CPA4: variants seen among roughly 807,000 people sequenced by gnomAD.
CPA4 encodes the protein carboxypeptidase A3.
A neutral mutation model predicts 54.7 loss-of-function variants in CPA4; 49 were observed. That is an observed-to-expected ratio of 0.90 (90% confidence interval 0.71 to 1.14). The LOEUF (loss-of-function observed/expected upper bound fraction) is 1.14, where lower values mean the gene tolerates loss of function less well. Among genes scored for constraint, CPA4 ranks in the 50% most tolerant of loss-of-function variants. The pLI is 0.00. For missense variants in CPA4, 487 were observed against 525.1 expected, an observed-to-expected ratio of 0.93 and a Z score of 0.71; for synonymous variants, 215 against 206.8, an observed-to-expected ratio of 1.04 and a Z score of -0.34.
At chr7:130,314,669 T>A (rs893834400) in intron 10 of CPA4, among the ~76,000 whole-genome samples, 4 of 152,294 alleles carry the variant, frequency 2.6e-5, no homozygotes, top group Admixed American at 1.3e-4. Context: ...AGGGAATTTA[T>A]ACTGAAAGAA....
In CPA4 at chr7:130,293,214, G is replaced by C. The variant is rs1451325725; in HGVS notation, c.34G>C (p.Gly12Arg). Residue 12 changes from glycine to arginine, a missense_variant, in exon 1 of 11, where the codon GGG becomes CGG. Coordinates refer to ENST00000222482, the MANE Select transcript of CPA4 (RefSeq NM_016352.4). ...GATACTGTTCATTGGGGCCCTTATT[G>C]GGTCCAGCATCTGTGGCCAAGAAAA... is the stretch of plus-strand genomic sequence containing the variant. The part of the protein sequence containing the change: ...RWILFIGALI[G>R]SSICGQEKFF... The C allele has an allele frequency of 1.2e-6, 2 of 1,612,784 alleles. No homozygotes were observed. Among genetic ancestry groups the C allele is most frequent in the Admixed American group, 3.3e-5 (2 of 59,994 alleles).
chr7:130,319,305 G>C (rs1794047032), intron 10 of CPA4, among the ~76,000 whole-genome samples: 1 of 152,210 alleles, frequency 6.6e-6, no homozygotes, highest in East Asian at 1.9e-4. Context: ...TAAGCGTGGT[G>C]ATTGGGTTTT....
Position 130,310,781 on chromosome 7 carries a change from C to T in CPA4, c.794-6C>T. On this transcript the variant is annotated splice_region_variant and splice_polypyrimidine_tract_variant and intron_variant, in intron 8 of 10. Coordinates refer to ENST00000222482, the MANE Select transcript of CPA4 (RefSeq NM_016352.4). The surrounding 1 kb of genome is among the most constrained non-coding windows in gnomAD (Gnocchi z 4.3). ...TTAATGTTTGTTCTTGGGCTATCCC[C>T]AACAGGAAAGGGAGCCAGCGACAAC... 1.9e-6 allele frequency: 3 copies of T among 1,613,662 alleles called. No individual in the cohort carries two copies. Among genetic ancestry groups the T allele is most frequent in the Non-Finnish European group, 2.5e-6 (3 of 1,179,576 alleles).
At chr7:130,316,343 C>T (rs1019165483) in intron 10 of CPA4, among the ~76,000 whole-genome samples, 2 of 152,138 alleles carry the variant, frequency 1.3e-5, no homozygotes, top group African/African-American at 2.4e-5. Context: ...TATTTAGAAT[C>T]GCTGTATAAA....
At chr7:130,308,798 G>A (rs1428810026) in intron 8 of CPA4, among the ~76,000 whole-genome samples, 1 of 150,050 alleles carries the variant, frequency 6.7e-6, no homozygotes, top group African/African-American at 2.5e-5. Context: ...TGATCCACCT[G>A]CTTCAGCCTT....
chr7:130,296,682 T>A (rs1446600930), intron 1 of CPA4, among the ~76,000 whole-genome samples: 1 of 63,808 alleles, frequency 1.6e-5, no homozygotes, highest in Non-Finnish European at 2.8e-5. Context: ...CCCCTCACTT[T>A]TTTTTTTTTT....
intron 6 of CPA4, chr7:130,306,225 C>T (rs557525787): frequency 4.5e-4 from 175 of 386,532 alleles, no homozygotes; most frequent in Middle Eastern, 8.0e-4. Flanking sequence ...CATAGACCCT[C>T]GGGGACCTCA....
chr7:130,294,563 G>A (rs900017510), intron 1 of CPA4, among the ~76,000 whole-genome samples: 1 of 152,170 alleles, frequency 6.6e-6, no homozygotes, highest in Non-Finnish European at 1.5e-5. Context: ...CTATTCATGT[G>A]GCTGAAAAAT....
Position 130,312,020 on chromosome 7 carries a change from C to A in CPA4, c.994-18C>A, listed in dbSNP as rs187503457. On this transcript the variant is annotated intron_variant, in intron 9 of 10. Coordinates refer to ENST00000222482, the MANE Select transcript of CPA4 (RefSeq NM_016352.4). ...TCAGGATCGATTTTTTCTCACTCCA[C>A]GGATTCCCCCTTCCCAGGACAAGGT... is the stretch of plus-strand genomic sequence containing the variant. The A allele has an allele frequency of 1.9e-6, 3 of 1,606,174 alleles. No homozygotes were observed. Among genetic ancestry groups the A allele is most frequent in the Non-Finnish European group, 2.6e-6 (3 of 1,172,950 alleles).
chr7:130,323,928 TG>T lies in CPA4; in HGVS notation c.*1253del, dbSNP rs1165407236. On this transcript the variant is annotated 3_prime_UTR_variant, in exon 11 of 11. Coordinates refer to ENST00000222482, the MANE Select transcript of CPA4 (RefSeq NM_016352.4). Reference sequence around the variant, plus strand: ...GTGTGTGTGTGTGTGTGTGTGTGTGTGTGTGTGTTTGTGTGTGTGTGTCTGT... The same window carrying T: ...GTGTGTGTGTGTGTGTGTGTGTGTGTTGTGTGTTTGTGTGTGTGTGTCTGT... 3.9e-5 allele frequency: 6 copies of T among 152,132 alleles called. No individual in the cohort carries two copies. Among genetic ancestry groups the T allele is most frequent in the Admixed American group, 1.3e-4 (2 of 15,202 alleles). The allele number at this position is 152,132 out of a possible 1,614,324, so 9.4% of individuals were successfully genotyped here.
intron 4 of CPA4, 22 bp downstream of exon 4, chr7:130,300,936 A>G (rs1308484689): frequency 6.7e-7 from 1 of 1,498,792 alleles, no homozygotes; most frequent in South Asian, 1.1e-5. Context: ...AGAGTGGGTT[A>G]AGATCAAGGT....
At chr7:130,304,423 G>C in intron 4 of CPA4, 55 bp from the exon 5 acceptor site, 2 of 992,082 alleles carry the variant, frequency 2.0e-6, no homozygotes, top group South Asian at 2.5e-5. Flanking sequence ...CAGATATCCA[G>C]CCATAGATAA....
chr7:130,314,840 C>T (rs970916803), intron 10 of CPA4, among the ~76,000 whole-genome samples: 5 of 151,926 alleles, frequency 3.3e-5, no homozygotes, highest in South Asian at 2.1e-4. Context: ...TAGGAAGCGA[C>T]GAAAGTTTGG....
In CPA4 at chr7:130,306,038, T is replaced by TG. The variant is rs148114709; in HGVS notation, c.591+124dup. 5,174 of 774,350 alleles carry TG rather than the reference T, an allele frequency of 6.7e-3. 202 individuals carry two copies. In the African/African-American group the frequency reaches 0.08, roughly 12 times the overall value. 48.0% of individuals were successfully genotyped at this position (774,350 alleles called of 1,614,324 possible). Reference sequence around the variant, plus strand: ...GGTTCTCTACTAAGACCCAGTCGGCTGGGGGGCCTTTTCAGATTGGAGAAG... The same window carrying TG: ...GGTTCTCTACTAAGACCCAGTCGGCTGGGGGGGCCTTTTCAGATTGGAGAAG... On this transcript the variant is annotated intron_variant, in intron 6 of 10. Coordinates refer to ENST00000222482, the MANE Select transcript of CPA4 (RefSeq NM_016352.4).
At chr7:130,306,058 G>A (rs931917887) in intron 6 of CPA4, 138 bp downstream of exon 6, 2 of 670,752 alleles carry the variant, frequency 3.0e-6, no homozygotes, top group Non-Finnish European at 5.2e-6. Flanking sequence ...TTTCAGATTG[G>A]AGAAGCAAAT....
chr7:130,305,760 A>C, intron 5 of CPA4, 56 bp from the exon 6 acceptor site: 1 of 1,204,490 alleles, frequency 8.3e-7, no homozygotes, highest in South Asian at 1.2e-5. Context: ...GAGAGAGGAG[A>C]AGTGAGCAGA....
rs1245540024 is a variant in CPA4, at chr7:130,310,940, AT to A, written c.948del (p.Pro317HisfsTer67). Reference sequence around the variant, plus strand: ...CACAGCTACTCGCAGCTGCTGATGTATCCATATGGGTACTCAGTCAAAAAGG... The same window carrying A: ...CACAGCTACTCGCAGCTGCTGATGTACCATATGGGTACTCAGTCAAAAAGG... The part of the protein sequence containing the change: ...DLHSYSQLLM[Y>X]PYGYSVKKAP... On this transcript the variant is annotated frameshift_variant, in exon 9 of 11. Coordinates refer to ENST00000222482, the MANE Select transcript of CPA4 (RefSeq NM_016352.4). LOFTEE classifies it high-confidence loss of function. This position sits in a 1 kb window ranked among gnomAD's most constrained non-coding sequence, Gnocchi z 4.3. The A allele has an allele frequency of 5.0e-6, 8 of 1,613,930 alleles. No individual in the cohort carries two copies. In the Admixed American group the frequency reaches 1.2e-4, roughly 24 times the overall value.
intron 1 of CPA4, 57 bp downstream of exon 1, chr7:130,293,305 A>C: frequency 1.0e-6 from 1 of 979,708 alleles, no homozygotes; most frequent in Non-Finnish European, 1.7e-6. Context: ...AGCCAAATGG[A>C]ACTGAAAATG....
At position 130,309,482 on chromosome 7, in the gene CPA4, T is replaced by C. The variant is rs570319534; in HGVS notation, c.793+1085T>C. ...AGATATGAACCTTAGCAGCTGGCTGTCATGGAAAGGGAAAGAGAATTAGGA... is the reference window on the plus strand; with the variant it reads ...AGATATGAACCTTAGCAGCTGGCTGCCATGGAAAGGGAAAGAGAATTAGGA... On this transcript the variant is annotated intron_variant, in intron 8 of 10. Coordinates refer to ENST00000222482, the MANE Select transcript of CPA4 (RefSeq NM_016352.4). Among the ~76,000 whole-genome samples the C allele has an allele frequency of 2.6e-5, 4 of 151,948 alleles. No homozygotes were observed. The East Asian group carries it at 7.8e-4, about 30-fold the overall frequency.
Sources: gnomAD v4.1 joint callset for allele counts (sites outside exome capture counted in the v4.1 genomes callset) on GRCh38, gnomAD v4.1.1 for gene constraint, Gnocchi (gnomAD v3.1) non-coding constraint, MANE v1.5 for transcripts, NCBI Gene and HGNC (gene_info 2026-07-23, HGNC 2026-07-21) for gene names.